The following OGFOD3 variants were observed in gnomAD, a reference collection of about 807,000 sequenced individuals.
OGFOD3 encodes the protein 2-oxoglutarate and iron-dependent oxygenase domain-containing protein 3.
In OGFOD3, 35 loss-of-function variants were observed where a neutral mutation model predicts 39.8. The ratio of observed to expected loss-of-function variants is 0.88; its 90% CI spans 0.67 to 1.17. OGFOD3 has a LOEUF of 1.17. OGFOD3 is among the 50% of genes most tolerant of loss of function. The pLI is 0.00. For missense variants in OGFOD3, 438 were observed against 454.5 expected, an observed-to-expected ratio of 0.96 and a Z score of 0.33; for synonymous variants, 200 against 192.0, an observed-to-expected ratio of 1.04 and a Z score of -0.34.
chr17:82,392,855 TC>T lies in OGFOD3; in HGVS notation c.824-322del. The T allele has an allele frequency of 3.0e-6, 1 of 330,088 alleles. No homozygotes were observed. The highest frequency in any genetic ancestry group is 5.6e-6 in the Non-Finnish European group (1 of 180,030). 20.4% of individuals were successfully genotyped at this position (330,088 alleles called of 1,614,324 possible). ...CCCCAGGTCATCTGATCTCCCGAGC[TC>T]CGGGCATTTGATCTCCTCAGCTCTC... On this transcript the variant is annotated intron_variant, in intron 8 of 8. Coordinates refer to ENST00000313056, the MANE Select transcript of OGFOD3 (RefSeq NM_024648.3). This position sits in a 1 kb window ranked among gnomAD's most constrained non-coding sequence, Gnocchi z 4.2.
At chr17:82,396,551 A>G (rs2052676898) in intron 8 of OGFOD3, 1 of 152,260 alleles carries the variant, frequency 6.6e-6, no homozygotes, top group Non-Finnish European at 1.5e-5. Flanking sequence ...CACATGCAGG[A>G]GACAGGTTGT....
intron 7 of OGFOD3, 27 bp from the exon 8 acceptor site, chr17:82,398,346 C>A (rs1214116018): frequency 1.9e-6 from 3 of 1,613,322 alleles, no homozygotes; most frequent in Admixed American, 1.7e-5. Flanking sequence ...GAGGAGGGGG[C>A]AGAATGGGCT....
chr17:82,411,686 T>A (rs2052945898), intron 2 of OGFOD3, 156 bp from the exon 3 acceptor site: 1 of 606,534 alleles, frequency 1.6e-6, no homozygotes, highest in Admixed American at 2.9e-5. Context: ...CTTTGTGCGG[T>A]GCATCTGGAG....
intron 8 of OGFOD3, 151 bp downstream of exon 8, chr17:82,398,045 C>G: frequency 1.0e-6 from 1 of 962,432 alleles, no homozygotes; most frequent in Admixed American, 2.2e-5. Flanking sequence ...GGTGTTGGGA[C>G]TGGCGCTAGA....
rs1437376326 is a variant in OGFOD3 at position 82,403,924 on chromosome 17, C to T, written c.699+13G>A. ...TCCACGGGCACGCTCACCCTGCCCA[C>T]GGGCGCGCTCACCTTGTCCACGTGC... On this transcript the variant is annotated intron_variant, in intron 7 of 8. Transcript: ENST00000313056. The T allele has an allele frequency of 3.1e-6, 5 of 1,594,580 alleles. No homozygotes were observed. Among genetic ancestry groups the T allele is most frequent in the South Asian group, 1.1e-5 (1 of 88,922 alleles).
intron 2 of OGFOD3, among the ~76,000 whole-genome samples, chr17:82,412,025 AGAGAGGAAGACCC>A (rs1163454181): frequency 8.7e-5 from 6 of 69,248 alleles, no homozygotes; most frequent in Non-Finnish European, 1.8e-4. Context: ...TGAGACCACC[AGAGAGGAAGACCC>A]TCCTGGGACC....
chr17:82,406,022 C>A lies in OGFOD3; in HGVS notation c.488+396G>T, dbSNP rs1371891270. On this transcript the variant is annotated intron_variant, in intron 5 of 8. Coordinates refer to ENST00000313056, the MANE Select transcript of OGFOD3 (RefSeq NM_024648.3). This position sits in a 1 kb window ranked among gnomAD's most constrained non-coding sequence, Gnocchi z 5.2. ...CCAGGGCTAATGCATGAGGCTGACA[C>A]GGATCCACGCAGGGAGGGTCTCTTT... is the stretch of plus-strand genomic sequence containing the variant. Among the ~76,000 whole-genome samples the A allele has an allele frequency of 6.6e-6, 1 of 152,152 alleles. No individual in the cohort carries two copies. The highest frequency in any genetic ancestry group is 1.9e-4 in the East Asian group (1 of 5,196).
chr17:82,394,767 G>A (rs2052646832), intron 8 of OGFOD3, among the ~76,000 whole-genome samples: 1 of 152,180 alleles, frequency 6.6e-6, no homozygotes, highest in Non-Finnish European at 1.5e-5. Context: ...GTGGGACGTG[G>A]GCCACAGAGC....
At chr17:82,398,132 C>T in intron 8 of OGFOD3, 64 bp downstream of exon 8, 1 of 1,601,552 alleles carries the variant, frequency 6.2e-7, no homozygotes, top group East Asian at 2.2e-5. Context: ...GGACACGCCC[C>T]CCACACCCAC....
chr17:82,411,644 A>G, intron 2 of OGFOD3, 114 bp from the exon 3 acceptor site: 1 of 743,576 alleles, frequency 1.3e-6, no homozygotes, highest in African/African-American at 1.9e-5. Flanking sequence ...AATTTCAGAC[A>G]CACACAACCA....
chr17:82,389,411 C>G lies in OGFOD3; in HGVS notation c.*2987G>C, dbSNP rs115300345. Reference sequence around the variant, plus strand: ...ACACCCGACACTTTCATCAGGTTCACGAGCACTTCTTGGGCAAAGCCCAGG... The same window carrying G: ...ACACCCGACACTTTCATCAGGTTCAGGAGCACTTCTTGGGCAAAGCCCAGG... On this transcript the variant is annotated 3_prime_UTR_variant, in exon 9 of 9. Transcript: ENST00000313056. This position sits in a 1 kb window ranked among gnomAD's most constrained non-coding sequence, Gnocchi z 4.6. 1 of 152,222 alleles carries G rather than the reference C, an allele frequency of 6.6e-6. No individual in the cohort carries two copies. The highest frequency in any genetic ancestry group is 1.5e-5 in the Non-Finnish European group (1 of 68,034). 9.4% of individuals were successfully genotyped at this position (152,222 alleles called of 1,614,324 possible).
intron 3 of OGFOD3, among the ~76,000 whole-genome samples, chr17:82,411,158 T>G (rs2143277966): frequency 6.6e-6 from 1 of 152,016 alleles, no homozygotes; most frequent in South Asian, 2.1e-4. Flanking sequence ...GCGATTCTCC[T>G]GCCTCAGCCT....
rs1435608735 is a variant in OGFOD3 at position 82,404,081 on chromosome 17, C to T, written c.555G>A (p.Arg185=). 2 of 1,596,312 alleles carry T rather than the reference C, an allele frequency of 1.3e-6. No individual in the cohort carries two copies. The highest frequency in any genetic ancestry group is 1.7e-5 in the Admixed American group (1 of 58,340). Residue 185 remains arginine, a synonymous_variant, in exon 7 of 9, where the codon CGG becomes CGA. Coordinates refer to ENST00000313056, the MANE Select transcript of OGFOD3 (RefSeq NM_024648.3). The surrounding 1 kb of genome is among the most constrained non-coding windows in gnomAD (Gnocchi z 4.5). ...EEDFRLYREV[R]QKVQLTIAEA... The stretch of plus-strand genomic sequence containing the variant: ...CAGCAATGGTGAGCTGGACCTTCTG[C>T]CGCACCTCCCTGCAGAGGACACAAT...
At chr17:82,411,672 T>G (rs1422172689) in intron 2 of OGFOD3, 142 bp from the exon 3 acceptor site, 1 of 636,544 alleles carries the variant, frequency 1.6e-6, no homozygotes, top group Non-Finnish European at 2.8e-6. Flanking sequence ...CCAGCGTGCA[T>G]GCGCTTTGTG....
chr17:82,408,371 A>C (rs1196967756), intron 4 of OGFOD3, among the ~76,000 whole-genome samples: 1 of 152,148 alleles, frequency 6.6e-6, no homozygotes, highest in East Asian at 1.9e-4. Context: ...AATTCCACAC[A>C]CCGAGCAAGA....
Position 82,406,392 on chromosome 17 carries a change from C to G in OGFOD3, c.488+26G>C. 1 of 1,610,474 alleles carries G rather than the reference C, an allele frequency of 6.2e-7. No homozygotes were observed. Among genetic ancestry groups the G allele is most frequent in the South Asian group, 1.1e-5 (1 of 91,012 alleles). On this transcript the variant is annotated intron_variant, in intron 5 of 8. Transcript: ENST00000313056. The surrounding 1 kb of genome is among the most constrained non-coding windows in gnomAD (Gnocchi z 5.2). Reference sequence around the variant, plus strand: ...CCGCTCACTCGGCTTTCAGAGCCAGCACTGAGGTCATGCTGCAGCACTCAC... The same window carrying G: ...CCGCTCACTCGGCTTTCAGAGCCAGGACTGAGGTCATGCTGCAGCACTCAC...
intron 8 of OGFOD3, 82 bp downstream of exon 8, chr17:82,398,114 G>A (rs1343683794): frequency 1.0e-5 from 16 of 1,547,448 alleles, no homozygotes; most frequent in East Asian, 9.0e-5. Flanking sequence ...ACTCAGCCTC[G>A]CTCCCAGGGA....
chr17:82,405,188 G>A (rs2052835292), intron 6 of OGFOD3, 136 bp downstream of exon 6: 3 of 715,610 alleles, frequency 4.2e-6, no homozygotes, highest in Non-Finnish European at 7.2e-6. Context: ...TTTGCTCCAT[G>A]AGAACTCACT....
intron 7 of OGFOD3, among the ~76,000 whole-genome samples, chr17:82,401,817 A>C (rs571095057): frequency 1.0e-4 from 15 of 149,894 alleles, no homozygotes; most frequent in South Asian, 2.1e-4. Context: ...AAAAAAAAAA[A>C]AAAAAACAAA....
Sources: allele counts gnomAD v4.1 joint callset (sites outside exome capture counted in the v4.1 genomes callset), GRCh38; gene constraint gnomAD v4.1.1; non-coding constraint Gnocchi (gnomAD v3.1); transcripts MANE v1.5; gene names NCBI Gene and HGNC (gene_info 2026-07-23, HGNC 2026-07-21).